CHD8: variants seen among roughly 807,000 people sequenced by gnomAD.
CHD8 encodes the protein chromodomain helicase DNA binding protein 8.
CHD8 carries 31 observed loss-of-function variants against 279.2 expected under a neutral mutation model. That is an observed-to-expected ratio of 0.11 (90% CI 0.08 to 0.15). The LOEUF is 0.15. Among genes scored for constraint, CHD8 ranks in the 10% least tolerant of loss-of-function variants. The pLI, the probability that CHD8 is intolerant of heterozygous loss-of-function variation, is 1.00. For synonymous variants in CHD8, 1,081 were observed against 1,139.6 expected, an observed-to-expected ratio of 0.95 and a Z score of 1.04; for missense variants, 2,146 against 3,230.5, an observed-to-expected ratio of 0.66 and a Z score of 8.14.
chr14:21,447,216 G>A (rs1236680088), intron 1 of CHD8, among the ~76,000 whole-genome samples: 1 of 152,168 alleles, frequency 6.6e-6, no homozygotes, highest in East Asian at 1.9e-4. Flanking sequence ...AGCAAAAGGG[G>A]TTGTATGGCA....
intron 16 of CHD8, among the ~76,000 whole-genome samples, chr14:21,404,574 G>A (rs1166470447): frequency 1.3e-5 from 2 of 152,096 alleles, no homozygotes; most frequent in Non-Finnish European, 2.9e-5. Flanking sequence ...ATGGAGTGTC[G>A]ATGAGGACAT....
chr14:21,438,656 A>T (rs1889880153), intron 1 of CHD8, among the ~76,000 whole-genome samples: 1 of 151,850 alleles, frequency 6.6e-6, no homozygotes, highest in South Asian at 2.1e-4. Context: ...AACATGGTGA[A>T]ACCCCGTCTC....
chr14:21,428,065 T>C lies in CHD8; in HGVS notation c.1405A>G (p.Ile469Val). 1.2e-6 allele frequency: 2 copies of C among 1,614,064 alleles called. No individual in the cohort carries two copies. Among genetic ancestry groups the C allele is most frequent in the Non-Finnish European group, 8.5e-7 (1 of 1,179,902 alleles). The change falls in exon 4 of 38, where the codon ATT becomes GTT. Residue 469 changes from isoleucine to valine, a missense_variant. Transcript: ENST00000646647. Reference protein sequence around the residue: ...EKANRIVAEAIARARARGEQN... With the variant: ...EKANRIVAEAVARARARGEQN... ...TCACCGCGGGCACGGGCTCTCGCAA[T>C]GGCCTCTGCTACAATCCGATTTGCT...
Position 21,412,994 on chromosome 14 carries a change from A to G in CHD8, c.2145T>C (p.Asp715=). 6.3e-7 allele frequency: 1 copy of G among 1,594,140 alleles called. No homozygotes were observed. Among genetic ancestry groups the G allele is most frequent in the Non-Finnish European group, 8.6e-7 (1 of 1,162,574 alleles). ...CGTAGTCTGGATTAAAGGGCTCTTC[A>G]TCCTAGATGAGTTAGGAAACCAAAC... ...MAQMRHFFHE[D]EEPFNPDYVE... is the part of the protein sequence containing the mutation. Residue 715 remains aspartate (D), a splice_region_variant and synonymous_variant, in exon 10 of 38, where the codon GAT becomes GAC. Transcript: ENST00000646647.
chr14:21,411,405 C>T (rs559876037), intron 10 of CHD8, among the ~76,000 whole-genome samples: 3 of 152,204 alleles, frequency 2.0e-5, no homozygotes, highest in South Asian at 2.1e-4. Flanking sequence ...AACCTGAAGA[C>T]TTATAAAGTA....
intron 1 of CHD8, chr14:21,436,853 G>A (rs982696417): frequency 4.0e-6 from 3 of 744,724 alleles, no homozygotes; most frequent in African/African-American, 4.0e-5. Flanking sequence ...GGTTGATGGA[G>A]AGGAAAACGC....
intron 13 of CHD8, 65 bp from the exon 14 acceptor site, chr14:21,407,097 A>AT: frequency 1.5e-6 from 2 of 1,346,014 alleles, no homozygotes; most frequent in Non-Finnish European, 1.0e-6. Flanking sequence ...GCTTTTCTGA[A>AT]TTACTTGCCT....
Position 21,386,165 on chromosome 14 carries a change from A to G in CHD8, c.7194T>C (p.Thr2398=), listed in dbSNP as rs1161251978. The G allele has an allele frequency of 2.6e-6, 4 of 1,551,774 alleles. No individual in the cohort carries two copies. Among genetic ancestry groups the G allele is most frequent in the African/African-American group, 1.4e-5 (1 of 73,038 alleles). Residue 2398 remains threonine (T), a synonymous_variant, in exon 38 of 38, where the codon ACT becomes ACC. Transcript: ENST00000646647. ...NSRNGKKGHH[T]ETVFNRVLPG... ...GCAAAACCCGGTTGAACACCGTTTC[A>G]GTGTGATGACCCTAGGAGGAGGGAA...
chr14:21,422,321 C>A (rs1288109280), intron 5 of CHD8, among the ~76,000 whole-genome samples: 2 of 151,808 alleles, frequency 1.3e-5, no homozygotes, highest in Non-Finnish European at 2.9e-5. Context: ...AGCCTGGAGA[C>A]CCTGTCTCAA....
chr14:21,436,120 A>G (rs1020754902), intron 1 of CHD8, among the ~76,000 whole-genome samples: 17 of 152,220 alleles, frequency 1.1e-4, no homozygotes, highest in African/African-American at 4.1e-4. Context: ...TGTAATGTGC[A>G]CTTTTAGAAA....
intron 1 of CHD8, among the ~76,000 whole-genome samples, chr14:21,439,815 T>C (rs1451988751): frequency 6.6e-6 from 1 of 152,246 alleles, no homozygotes. Flanking sequence ...AAAGACAAAT[T>C]ACTATTGTCG....
chr14:21,387,809 C>CAAAAA (rs34063784), intron 37 of CHD8, among the ~76,000 whole-genome samples: 13 of 76,154 alleles, frequency 1.7e-4, no homozygotes, highest in African/African-American at 4.8e-4. Flanking sequence ...CTGTCTCAAG[C>CAAAAA]AAAAAAAAAA....
chr14:21,394,816 G>C (rs1357816849), intron 30 of CHD8, 96 bp downstream of exon 30: 3 of 1,324,954 alleles, frequency 2.3e-6, no homozygotes, highest in Non-Finnish European at 3.2e-6. Flanking sequence ...TGGTCCCTCT[G>C]TAGAGAATTC....
At position 21,445,817 on chromosome 14, in the gene CHD8, T is replaced by C. The variant is rs1201453128; in HGVS notation, c.-216+10215A>G. On this transcript the variant is annotated intron_variant, in intron 1 of 37. Transcript: ENST00000646647. ...GAGTTCGAGACCAGCCTGGCCAAGA[T>C]GGTGAAACCCTGTCTCTACTAAAAG... Among the ~76,000 whole-genome samples, 6 of 149,620 alleles carry C rather than the reference T, an allele frequency of 4.0e-5. No individual in the cohort carries two copies. The East Asian group carries it at 7.9e-4, about 20-fold the overall frequency.
chr14:21,410,271 G>GA lies in CHD8; in HGVS notation c.2227-284dup, dbSNP rs963272700. Among the ~76,000 whole-genome samples the GA allele has an allele frequency of 2.5e-3, 364 of 147,180 alleles. 1 individual carries two copies. Among genetic ancestry groups the GA allele is most frequent in the African/African-American group, 8.1e-3 (326 of 40,126 alleles). ...AAACATGCTCGTCAACTAAACAGAT[G>GA]AAAAAAAAAAGACTAATCTTTTCCT... On this transcript the variant is annotated intron_variant, in intron 10 of 37. Transcript: ENST00000646647.
intron 8 of CHD8, 109 bp downstream of exon 8, chr14:21,414,829 G>A: frequency 1.3e-6 from 1 of 768,414 alleles, no homozygotes; most frequent in Non-Finnish European, 2.2e-6. Context: ...ACAGCAACCT[G>A]GGCTACAAGA....
intron 1 of CHD8, among the ~76,000 whole-genome samples, chr14:21,447,424 T>C (rs576626972): frequency 9.2e-5 from 14 of 151,642 alleles, no homozygotes; most frequent in African/African-American, 3.1e-4. Flanking sequence ...CAGGTTTGAA[T>C]GCAGTACCAC....
At position 21,405,653 on chromosome 14, in the gene CHD8, G is replaced by A. The variant is rs1407082817; in HGVS notation, c.3051+68C>T. The A allele has an allele frequency of 1.9e-6, 3 of 1,564,118 alleles. No homozygotes were observed. Among genetic ancestry groups the A allele is most frequent in the Non-Finnish European group, 2.6e-6 (3 of 1,145,798 alleles). ...GGCCCTTGAGATACCCATGACAACA[G>A]ATGTCTGCCTTGTACAAACTTCACC... On this transcript the variant is annotated intron_variant, in intron 15 of 37. Transcript: ENST00000646647. The surrounding 1 kb of genome is among the most constrained non-coding windows in gnomAD (Gnocchi z 4.2).
intron 1 of CHD8, among the ~76,000 whole-genome samples, chr14:21,441,620 G>A (rs1386483044): frequency 6.6e-6 from 1 of 152,206 alleles, no homozygotes; most frequent in Non-Finnish European, 1.5e-5. Flanking sequence ...TGGGCGTGGT[G>A]GCTCATGCCT....
Sources: gnomAD v4.1 joint callset for allele counts (sites outside exome capture counted in the v4.1 genomes callset) on GRCh38, gnomAD v4.1.1 for gene constraint, Gnocchi (gnomAD v3.1) non-coding constraint, MANE v1.5 for transcripts, NCBI Gene and HGNC (gene_info 2026-07-23, HGNC 2026-07-21) for gene names.